LRP1B: variants seen among roughly 807,000 people sequenced by gnomAD.
LRP1B encodes the protein low-density lipoprotein receptor-related protein 1B.
Under a neutral mutation model 556.6 loss-of-function variants are expected in LRP1B, and 217 were observed. The observed-to-expected ratio is 0.39, with a 90% CI of 0.35 to 0.44. The LOEUF (loss-of-function observed/expected upper bound fraction) is 0.44, where lower values mean the gene tolerates loss of function less well. Among genes scored for constraint, LRP1B ranks in the 20% least tolerant of loss-of-function variants. The probability of loss-of-function intolerance (pLI) is 1.00; values close to 1 mark genes in which losing one functional copy is unlikely to be tolerated. For synonymous variants in LRP1B, 2,047 were observed against 1,865.8 expected (o/e 1.10, Z -2.50); for missense variants, 5,053 against 5,620.8 (o/e 0.90, Z 3.23).
chr2:141,808,099 C>A (rs1032612085), intron 2 of LRP1B, among the ~76,000 whole-genome samples: 4 of 152,090 alleles, frequency 2.6e-5, no homozygotes, highest in African/African-American at 9.7e-5. Context: ...AAGGGAACAT[C>A]CTTGTTCATC....
At chr2:141,770,504 G>A (rs1694867907) in intron 2 of LRP1B, among the ~76,000 whole-genome samples, 1 of 152,160 alleles carries the variant, frequency 6.6e-6, no homozygotes, top group Admixed American at 6.5e-5. Flanking sequence ...CTAGACTGCT[G>A]GCTACAAACA....
chr2:141,757,611 G>A (rs1051734345), intron 2 of LRP1B, among the ~76,000 whole-genome samples: 1 of 152,088 alleles, frequency 6.6e-6, no homozygotes, highest in African/African-American at 2.4e-5. Flanking sequence ...GGAATGCAGT[G>A]GTATGATCAT....
At chr2:141,287,287 A>G (rs1279873975) in intron 3 of LRP1B, among the ~76,000 whole-genome samples, 4 of 151,544 alleles carry the variant, frequency 2.6e-5, no homozygotes, top group Non-Finnish European at 5.9e-5. Context: ...GGGAGAATAT[A>G]GGGCATTAAT....
intron 43 of LRP1B, among the ~76,000 whole-genome samples, chr2:140,545,523 C>A (rs1680297782): frequency 6.6e-6 from 1 of 152,130 alleles, no homozygotes; most frequent in East Asian, 1.9e-4. Flanking sequence ...TTTATCCCAG[C>A]ACCATTTATT....
intron 3 of LRP1B, among the ~76,000 whole-genome samples, chr2:141,418,747 AT>A (rs371964178): frequency 0.042 from 6,259 of 150,378 alleles, 184 homozygotes; most frequent in Non-Finnish European, 0.059. Flanking sequence ...GAATTTTAGA[AT>A]TTTTTTTTTC....
At chr2:141,089,860 G>T (rs1384088104) in intron 7 of LRP1B, among the ~76,000 whole-genome samples, 1 of 152,234 alleles carries the variant, frequency 6.6e-6, no homozygotes, top group Non-Finnish European at 1.5e-5. Context: ...GCAGTTGGAA[G>T]TTGGGTCAAT....
Position 140,613,406 on chromosome 2 carries a change from T to C in LRP1B, c.6800-11767A>G. On this transcript the variant is annotated intron_variant, in intron 41 of 90. Transcript: ENST00000389484. ...TTATATACATATAAATATAAATAATTATATACATATAAATATATATATAAT... is the reference window on the plus strand; with the variant it reads ...TTATATACATATAAATATAAATAATCATATACATATAAATATATATATAAT... 1.4e-5 allele frequency among the ~76,000 whole-genome samples: 2 copies of C among 143,072 alleles called. 1 individual carries two copies. Among genetic ancestry groups the C allele is most frequent in the East Asian group, 3.9e-4 (2 of 5,072 alleles). The allele number at this position is 143,072 out of a possible 152,430, so 93.9% of individuals were successfully genotyped here.
chr2:141,593,920 A>T, intron 2 of LRP1B, among the ~76,000 whole-genome samples: 1 of 152,128 alleles, frequency 6.6e-6, no homozygotes, highest in East Asian at 1.9e-4. Context: ...CCAAGCTAAA[A>T]GTTACGTCCT....
In LRP1B at chr2:140,705,521, CAAAAAAAAAAAAAAAAAAAAAA is replaced by C. The variant is rs565447198; in HGVS notation, c.6024-2990_6024-2969del. ...CATGGGGAACAGAGTGAGACTGTCT[CAAAAAAAAAAAAAAAAAAAAAA>C]AAAAAAAAAAAAAAAAACACAGACA... On this transcript the variant is annotated intron_variant, in intron 37 of 90. Coordinates refer to ENST00000389484, the MANE Select transcript of LRP1B (RefSeq NM_018557.3). 3.5e-4 allele frequency among the ~76,000 whole-genome samples: 24 copies of C among 68,208 alleles called. 1 individual carries two copies. Among genetic ancestry groups the C allele is most frequent in the East Asian group, 1.2e-3 (2 of 1,736 alleles). 44.7% of individuals were successfully genotyped at this position (68,208 alleles called of 152,430 possible). A position where few individuals can be genotyped will look rare whatever the true frequency, so the allele number is the denominator to read the frequency against.
intron 7 of LRP1B, among the ~76,000 whole-genome samples, chr2:141,088,134 G>A (rs1008158980): frequency 6.6e-6 from 1 of 152,086 alleles, no homozygotes; most frequent in South Asian, 2.1e-4. Flanking sequence ...GCTTTAGGTA[G>A]CAGTGTTTGA....
At chr2:141,324,362 A>G (rs1329448382) in intron 3 of LRP1B, among the ~76,000 whole-genome samples, 1 of 152,146 alleles carries the variant, frequency 6.6e-6, no homozygotes. Context: ...CCATGCGAAC[A>G]CTGGTTTTCT....
At chr2:140,639,404 T>C (rs1236411897) in intron 41 of LRP1B, among the ~76,000 whole-genome samples, 1 of 152,232 alleles carries the variant, frequency 6.6e-6, no homozygotes. Flanking sequence ...TACTGAAAGA[T>C]TCTAAGGCAT....
chr2:141,166,829 A>T (rs771999106), intron 7 of LRP1B, among the ~76,000 whole-genome samples: 2 of 151,506 alleles, frequency 1.3e-5, no homozygotes, highest in Non-Finnish European at 2.9e-5. Flanking sequence ...TTTGTATAAG[A>T]TGTCTCAATT....
chr2:140,872,861 A>AT (rs1231285608), intron 25 of LRP1B, among the ~76,000 whole-genome samples: 2 of 152,012 alleles, frequency 1.3e-5, no homozygotes, highest in Non-Finnish European at 2.9e-5. Flanking sequence ...GAAAAAAAAA[A>AT]GGTCTTTATG....
intron 1 of LRP1B, among the ~76,000 whole-genome samples, chr2:142,031,830 G>C (rs186418938): frequency 6.6e-6 from 1 of 151,852 alleles, no homozygotes; most frequent in Admixed American, 6.6e-5. Flanking sequence ...GAAGTAGTTA[G>C]GATGAGGTCA....
Position 141,378,277 on chromosome 2 carries a change from T to C in LRP1B, c.343+102119A>G, listed in dbSNP as rs112723645. Among the ~76,000 whole-genome samples the C allele has an allele frequency of 7.2e-5, 11 of 152,174 alleles. 1 individual carries two copies. Among genetic ancestry groups the C allele is most frequent in the African/African-American group, 1.9e-4 (8 of 41,520 alleles). Reference sequence around the variant, plus strand: ...AGTTAACAGAGCTGCCTGAAGAACATTGAACATTTTAGACAAAGATTTTAA... The same window carrying C: ...AGTTAACAGAGCTGCCTGAAGAACACTGAACATTTTAGACAAAGATTTTAA... On this transcript the variant is annotated intron_variant, in intron 3 of 90. Transcript: ENST00000389484.
At chr2:141,187,923 TCGA>T (rs1681328985) in intron 7 of LRP1B, among the ~76,000 whole-genome samples, 1 of 151,932 alleles carries the variant, frequency 6.6e-6, no homozygotes, top group Non-Finnish European at 1.5e-5. Flanking sequence ...TCAACAGTCA[TCGA>T]ACGTAAGAGT....
intron 2 of LRP1B, among the ~76,000 whole-genome samples, chr2:141,553,642 T>C (rs1301370663): frequency 1.4e-5 from 2 of 145,894 alleles, no homozygotes; most frequent in Non-Finnish European, 3.0e-5. Flanking sequence ...GTATATTACA[T>C]ATATAATATA....
At chr2:141,474,057 CTCCCTCCCTCCCTTCCT>C (rs1682606701) in intron 3 of LRP1B, among the ~76,000 whole-genome samples, 1 of 54,568 alleles carries the variant, frequency 1.8e-5, no homozygotes. Flanking sequence ...TCCTTCCTTC[CTCCCTCCCTCCCTTCCT>C]TTCCTCCCTC....
Sources: allele counts gnomAD v4.1 joint callset (sites outside exome capture counted in the v4.1 genomes callset), GRCh38; gene constraint gnomAD v4.1.1; transcripts MANE v1.5; gene names NCBI Gene and HGNC (gene_info 2026-07-23, HGNC 2026-07-21).